The following POLR3D variants were observed in gnomAD, a reference collection of about 807,000 sequenced individuals.
POLR3D encodes RNA polymerase III subunit D.
In POLR3D, 42 loss-of-function variants were observed where a neutral mutation model predicts 44.5. The ratio of observed to expected loss-of-function variants is 0.94; its 90% CI spans 0.74 to 1.22. The LOEUF (loss-of-function observed/expected upper bound fraction) is 1.22. Among genes scored for constraint, POLR3D ranks in the 50% most tolerant of loss-of-function variants. POLR3D has a pLI of 0.00. For missense variants in POLR3D, 507 were observed against 505.2 expected, an observed-to-expected ratio of 1.00 and a Z score of -0.03; for synonymous variants, 217 against 198.1, an observed-to-expected ratio of 1.10 and a Z score of -0.80.
Position 22,247,442 on chromosome 8 carries a change from A to G in POLR3D, c.209+178A>G, listed in dbSNP as rs113911804. ...TCTGCAAGCTTTAAAAAATAAATAA[A>G]TAAATAAATAATTACTGGTGTCTAG... On this transcript the variant is annotated intron_variant, in intron 3 of 8. Coordinates refer to ENST00000306433, the MANE Select transcript of POLR3D (RefSeq NM_001722.3). 0.011 allele frequency among the ~76,000 whole-genome samples: 1,656 copies of G among 152,266 alleles called. 34 individuals carry two copies. Among genetic ancestry groups the G allele is most frequent in the African/African-American group, 0.037 (1,529 of 41,558 alleles).
Position 22,250,554 on chromosome 8 carries a change from C to T in POLR3D, c.*36C>T, listed in dbSNP as rs374168117. On this transcript the variant is annotated 3_prime_UTR_variant, in exon 9 of 9. Transcript: ENST00000306433. ...TGGAGGAGGACGGCGCCTGTGCCCA[C>T]GGCTGCTGCCTGCTCCAGACATTTT... The T allele has an allele frequency of 1.5e-5, 24 of 1,613,166 alleles. No homozygotes were observed. The highest frequency in any genetic ancestry group is 5.3e-5 in the African/African-American group (4 of 74,964).
intron 6 of POLR3D, among the ~76,000 whole-genome samples, 177 bp downstream of exon 6, chr8:22,248,826 G>A (rs1830069915): frequency 6.6e-6 from 1 of 152,176 alleles, no homozygotes; most frequent in African/African-American, 2.4e-5. Flanking sequence ...GAGGGTTCCT[G>A]TGTTGACAGG....
At chr8:22,248,030 A>G (rs1830061044) in intron 4 of POLR3D, 22 bp downstream of exon 4, 2 of 1,610,560 alleles carry the variant, frequency 1.2e-6, no homozygotes, top group Admixed American at 3.3e-5. Flanking sequence ...GAATCAGTGA[A>G]TTTCAGTTCA....
chr8:22,246,361 C>T (rs892561665), intron 2 of POLR3D, among the ~76,000 whole-genome samples: 10 of 152,044 alleles, frequency 6.6e-5, no homozygotes, highest in African/African-American at 2.2e-4. Flanking sequence ...CCCCTGACCT[C>T]GTGATCCGCC....
At chr8:22,248,122 C>G (rs748502158) in intron 4 of POLR3D, 32 bp from the exon 5 acceptor site, 1 of 1,611,932 alleles carries the variant, frequency 6.2e-7, no homozygotes, top group African/African-American at 1.3e-5. Flanking sequence ...TCTTCCTTAT[C>G]GATCCCTAGT....
chr8:22,250,215 C>T lies in POLR3D; in HGVS notation c.1062C>T (p.Cys354=). ...TGGACGTGACCATGGGAACTGCCTGCTCCTTCCTGCAGGTAAGAGCCTCCT... is the reference window on the plus strand; with the variant it reads ...TGGACGTGACCATGGGAACTGCCTGTTCCTTCCTGCAGGTAAGAGCCTCCT... ...VTLDVTMGTA[C]SFLQELVSVG... Residue 354 remains cysteine, a synonymous_variant, in exon 8 of 9, where the codon TGC becomes TGT. Transcript: ENST00000306433. 1 of 1,614,154 alleles carries T rather than the reference C, an allele frequency of 6.2e-7. No homozygotes were observed. Among genetic ancestry groups the T allele is most frequent in the Non-Finnish European group, 8.5e-7 (1 of 1,180,012 alleles).
In POLR3D at chr8:22,249,725, G is replaced by A. The variant is rs185899366; in HGVS notation, c.922-350G>A. On this transcript the variant is annotated intron_variant, in intron 7 of 8. Coordinates refer to ENST00000306433, the MANE Select transcript of POLR3D (RefSeq NM_001722.3). Reference sequence around the variant, plus strand: ...TAGTCCCCGCTACTTGGGAGGCTGAGGCGGGGGAATGGCTTGAGTCCAGGA... The same window carrying A: ...TAGTCCCCGCTACTTGGGAGGCTGAAGCGGGGGAATGGCTTGAGTCCAGGA... 4.7e-3 allele frequency among the ~76,000 whole-genome samples: 709 copies of A among 152,170 alleles called. 6 individuals are homozygous for A. Among genetic ancestry groups the A allele is most frequent in the African/African-American group, 0.016 (662 of 41,498 alleles).
At position 22,250,601 on chromosome 8, in the gene POLR3D, A is replaced by T. The variant is rs1181757436; in HGVS notation, c.*83A>T. On this transcript the variant is annotated 3_prime_UTR_variant, in exon 9 of 9. Coordinates refer to ENST00000306433, the MANE Select transcript of POLR3D (RefSeq NM_001722.3). ...TTTTGTTCTTGAATCTGTGAGACCC[A>T]GAAGGGGCCCACTGAGCCCACTCAC... The T allele has an allele frequency of 6.4e-7, 1 of 1,556,750 alleles. No individual in the cohort carries two copies. Among genetic ancestry groups the T allele is most frequent in the Non-Finnish European group, 8.8e-7 (1 of 1,137,464 alleles).
Position 22,249,230 on chromosome 8 carries a change from C to A in POLR3D, c.842C>A (p.Thr281Asn). The A allele has an allele frequency of 6.2e-7, 1 of 1,613,988 alleles. No individual in the cohort carries two copies. Among genetic ancestry groups the A allele is most frequent in the Non-Finnish European group, 8.5e-7 (1 of 1,179,974 alleles). The change falls in exon 7 of 9, where the codon ACC becomes AAC. Residue 281 changes from threonine to asparagine, a missense_variant. By Grantham distance (65) the Thr-to-Asn change is moderately conservative. Transcript: ENST00000306433. Reference protein sequence around the residue: ...LPDTLPGQPPTQDIKPIKTEV... With the variant: ...LPDTLPGQPPNQDIKPIKTEV... ...GACACCCTCCCTGGCCAGCCACCCA[C>A]CCAGGACATCAAGCCTATCAAGACA...
Position 22,247,219 on chromosome 8 carries a change from A to G in POLR3D, c.166-2A>G. 6.2e-7 allele frequency: 1 copy of G among 1,612,710 alleles called. No homozygotes were observed. The highest frequency in any genetic ancestry group is 1.3e-5 in the African/African-American group (1 of 74,992). On this transcript the variant is annotated splice_acceptor_variant, in intron 2 of 8. Transcript: ENST00000306433. LOFTEE classifies it high-confidence loss of function. ...TCAGTGACTCCTGTATTTTGCTTTC[A>G]GAAAACCTTCACCCCAAATATCATC...
rs769593829 is a variant in POLR3D, at chr8:22,250,471, G to A, written c.1150G>A (p.Val384Ile). The change falls in exon 9 of 9, where the codon GTA (valine) becomes ATA (isoleucine). Residue 384 changes from valine to isoleucine, a missense_variant. Transcript: ENST00000306433. ...TVLGHVKHKLVCSPDFESLLD... is the reference protein window; with the variant it reads ...TVLGHVKHKLICSPDFESLLD... ...CCTGGGACACGTGAAGCACAAACTT[G>A]TATGTTCCCCTGATTTTGAATCCCT... The A allele has an allele frequency of 1.2e-6, 2 of 1,614,190 alleles. No individual in the cohort carries two copies. Among genetic ancestry groups the A allele is most frequent in the South Asian group, 1.1e-5 (1 of 91,088 alleles).
chr8:22,249,821 C>CA (rs1830085062), intron 7 of POLR3D, among the ~76,000 whole-genome samples: 1 of 152,036 alleles, frequency 6.6e-6, no homozygotes, highest in Non-Finnish European at 1.5e-5. Flanking sequence ...GACCTTGTCT[C>CA]AAAAAAATAA....
intron 2 of POLR3D, 46 bp from the exon 3 acceptor site, chr8:22,247,174 TG>T (rs1830052234): frequency 6.9e-7 from 1 of 1,455,312 alleles, no homozygotes; most frequent in African/African-American, 1.4e-5. Context: ...CTCTGTACTT[TG>T]GGGTCAGAAC....
chr8:22,245,982 A>C (rs1017342188), intron 2 of POLR3D, among the ~76,000 whole-genome samples: 5 of 152,236 alleles, frequency 3.3e-5, no homozygotes, highest in African/African-American at 1.2e-4. Flanking sequence ...CTCTGTGTGC[A>C]AACTTTTTAT....
chr8:22,252,940 T>A lies in POLR3D; in HGVS notation c.*2422T>A, dbSNP rs1830117604. ...GCTTGATTTTATTTATTTTATTTTA[T>A]GTAAGAGTGAGACAGTAGTAGCTTA... On this transcript the variant is annotated 3_prime_UTR_variant, in exon 9 of 9. Transcript: ENST00000306433. The A allele has an allele frequency of 6.6e-6, 1 of 152,218 alleles. No individual in the cohort carries two copies. Among genetic ancestry groups the A allele is most frequent in the Non-Finnish European group, 1.5e-5 (1 of 68,040 alleles). 9.4% of individuals were successfully genotyped at this position (152,218 alleles called of 1,614,324 possible).
In POLR3D at chr8:22,245,440, C is replaced by A; in HGVS notation, c.-5-5C>A. ...CTGGTGATCTCGTCGCCCCTTCTCT[C>A]CCAGGCAACATGTCGGAAGGAAACG... On this transcript the variant is annotated splice_polypyrimidine_tract_variant and splice_region_variant and intron_variant, in intron 1 of 8. Coordinates refer to ENST00000306433, the MANE Select transcript of POLR3D (RefSeq NM_001722.3). The A allele has an allele frequency of 7.6e-7, 1 of 1,309,686 alleles. No individual in the cohort carries two copies. Among genetic ancestry groups the A allele is most frequent in the Non-Finnish European group, 9.8e-7 (1 of 1,021,616 alleles). 81.1% of individuals were successfully genotyped at this position (1,309,686 alleles called of 1,614,324 possible).
At chr8:22,248,913 T>C in intron 6 of POLR3D, 131 bp from the exon 7 acceptor site, 2 of 1,041,762 alleles carry the variant, frequency 1.9e-6, no homozygotes, top group Non-Finnish European at 2.9e-6. Flanking sequence ...CTTGCCCCTC[T>C]GTATAACTGG....
Position 22,253,855 on chromosome 8 carries a change from T to C in POLR3D, c.*3337T>C, listed in dbSNP as rs1326692487. 1.3e-5 allele frequency: 2 copies of C among 152,214 alleles called. No homozygotes were observed. The highest frequency in any genetic ancestry group is 1.9e-4 in the East Asian group (1 of 5,190). The allele number at this position is 152,214 out of a possible 1,614,324, so 9.4% of individuals were successfully genotyped here. A position where few individuals can be genotyped will look rare whatever the true frequency, so the allele number is the denominator to read the frequency against. ...CACACCTGGCTAATTTTTGTATTTTTAGTAGAGACGGGAGTTTCACCATGT... is the reference window on the plus strand; with the variant it reads ...CACACCTGGCTAATTTTTGTATTTTCAGTAGAGACGGGAGTTTCACCATGT... On this transcript the variant is annotated 3_prime_UTR_variant, in exon 9 of 9. Coordinates refer to ENST00000306433, the MANE Select transcript of POLR3D (RefSeq NM_001722.3).
At position 22,245,552 on chromosome 8, in the gene POLR3D, C is replaced by T; in HGVS notation, c.103C>T (p.Leu35Phe). Reference protein sequence around the residue: ...GLIGRRPAPPLTPGRLPSIRS... With the variant: ...GLIGRRPAPPFTPGRLPSIRS... ...CATCGGGCGGCGGCCGGCGCCTCCC[C>T]TCACCCCCGGCCGCCTTCCCTCCAT... is the stretch of plus-strand genomic sequence containing the variant. The change falls in exon 2 of 9, where the codon CTC becomes TTC. Residue 35 changes from leucine (L) to phenylalanine (F), a missense_variant. Coordinates refer to ENST00000306433, the MANE Select transcript of POLR3D (RefSeq NM_001722.3). The T allele has an allele frequency of 7.9e-7, 1 of 1,263,080 alleles. No individual in the cohort carries two copies. Among genetic ancestry groups the T allele is most frequent in the Non-Finnish European group, 1.0e-6 (1 of 996,260 alleles). The allele number at this position is 1,263,080 out of a possible 1,614,324, so 78.2% of individuals were successfully genotyped here.
Sources: allele counts gnomAD v4.1 joint callset (sites outside exome capture counted in the v4.1 genomes callset), GRCh38; gene constraint gnomAD v4.1.1; transcripts MANE v1.5; gene names NCBI Gene and HGNC (gene_info 2026-07-23, HGNC 2026-07-21).